The following KCNH6 variants were observed in gnomAD, a reference collection of about 807,000 sequenced individuals.
The protein encoded by KCNH6 is voltage-gated inwardly rectifying potassium channel KCNH6.
A neutral mutation model predicts 83.4 loss-of-function variants in KCNH6; 81 were observed. That is an observed-to-expected ratio of 0.97 (90% confidence interval 0.81 to 1.17). KCNH6 has a LOEUF of 1.17. Among genes scored for constraint, KCNH6 ranks in the 50% most tolerant of loss-of-function variants. The pLI is 0.00. For synonymous variants in KCNH6, 503 were observed against 545.6 expected (o/e 0.92, Z 1.09); for missense variants, 1,203 against 1,290.5 (o/e 0.93, Z 1.04).
rs1303569563 is a variant in KCNH6 at position 63,538,966 on chromosome 17, C to T, written c.1954+304C>T. Among the ~76,000 whole-genome samples the T allele has an allele frequency of 6.6e-6, 1 of 152,132 alleles. No homozygotes were observed. The highest frequency in any genetic ancestry group is 2.4e-5 in the African/African-American group (1 of 41,414). On this transcript the variant is annotated intron_variant, in intron 8 of 12. Transcript: ENST00000314672. The surrounding 1 kb of genome is among the most constrained non-coding windows in gnomAD (Gnocchi z 4.0). ...CAGAAGCCCAGGCAGGTCTTCCTAC[C>T]TTCTTGCACTCTTGGGGAGTTTAGG...
intron 11 of KCNH6, 50 bp downstream of exon 11, chr17:63,544,461 T>C (rs2033047045): frequency 2.1e-6 from 3 of 1,433,562 alleles, no homozygotes; most frequent in Non-Finnish European, 1.8e-6. Flanking sequence ...TAGCCCCTCC[T>C]AGTGGCTCAG....
In KCNH6 at chr17:63,544,370, G is replaced by A; in HGVS notation, c.2355G>A (p.Lys785=). The stretch of plus-strand genomic sequence containing the variant: ...AAGACCCAGATTGCTGGCCTCTGAA[G>A]CTGGGCTCCAGGCTAGAGCAGCTCC... ...PQEDPDCWPL[K]LGSRLEQLQA... is the part of the protein sequence containing the mutation. Residue 785 remains lysine (K), a synonymous_variant, in exon 11 of 13, where the codon AAG becomes AAA. Coordinates refer to ENST00000314672, the MANE Select transcript of KCNH6 (RefSeq NM_001278919.2). The A allele has an allele frequency of 6.2e-7, 1 of 1,609,050 alleles. No homozygotes were observed. Among genetic ancestry groups the A allele is most frequent in the Non-Finnish European group, 8.5e-7 (1 of 1,177,664 alleles).
At position 63,534,892 on chromosome 17, in the gene KCNH6, C is replaced by T. The variant is rs942580677; in HGVS notation, c.1101+581C>T. On this transcript the variant is annotated intron_variant, in intron 5 of 12. Transcript: ENST00000314672. This position sits in a 1 kb window ranked among gnomAD's most constrained non-coding sequence, Gnocchi z 5.0. The stretch of plus-strand genomic sequence containing the variant: ...CCAGCAGGGGGTGTCCAGCAGGGCT[C>T]CTCTGCTCCAAAGCCCCCTAAGACC... Among the ~76,000 whole-genome samples the T allele has an allele frequency of 2.0e-5, 3 of 152,098 alleles. No homozygotes were observed. Among genetic ancestry groups the T allele is most frequent in the Admixed American group, 1.3e-4 (2 of 15,282 alleles).
rs150744116 is a variant in KCNH6, at chr17:63,534,585, C to T, written c.1101+274C>T. On this transcript the variant is annotated intron_variant, in intron 5 of 12. Transcript: ENST00000314672. The surrounding 1 kb of genome is among the most constrained non-coding windows in gnomAD (Gnocchi z 5.0). ...GGCTGCCCCTTCCAGGATGGGCACT[C>T]GTGTGGTCCCGGCCCCTCATGCTGA... 6.6e-6 allele frequency among the ~76,000 whole-genome samples: 1 copy of T among 152,184 alleles called. No homozygotes were observed. The highest frequency in any genetic ancestry group is 6.5e-5 in the Admixed American group (1 of 15,294).
intron 6 of KCNH6, 82 bp from the exon 7 acceptor site, chr17:63,537,983 G>A: frequency 1.5e-6 from 2 of 1,370,222 alleles, no homozygotes; most frequent in South Asian, 1.2e-5. Flanking sequence ...GGGGGCTGCT[G>A]GAAGGAGGAA....
At chr17:63,531,502 T>C (rs1184126271) in intron 4 of KCNH6, among the ~76,000 whole-genome samples, 1 of 152,240 alleles carries the variant, frequency 6.6e-6, no homozygotes, top group African/African-American at 2.4e-5. Context: ...GCTGTCCCTG[T>C]GTTGGGGCTG....
At chr17:63,541,560 TGGGATTACAG>T (rs2032863462) in intron 8 of KCNH6, among the ~76,000 whole-genome samples, 1 of 150,050 alleles carries the variant, frequency 6.7e-6, no homozygotes, top group African/African-American at 2.5e-5. Context: ...CCCAAAGTGC[TGGGATTACAG>T]GCGTGAGCCG....
rs754342735 is a variant in KCNH6 at position 63,538,138 on chromosome 17, C to T, written c.1575C>T (p.Tyr525=). Residue 525 remains tyrosine, a synonymous_variant, in exon 7 of 13, where the codon TAC becomes TAT. Transcript: ENST00000314672. The surrounding 1 kb of genome is among the most constrained non-coding windows in gnomAD (Gnocchi z 4.0). ...GCCTGTACTCGGGCACCGCGCGCTA[C>T]CACACGCAGATGCTGCGTGTCAAGG... ...IQRLYSGTAR[Y]HTQMLRVKEF... 11 of 1,614,054 alleles carry T rather than the reference C, an allele frequency of 6.8e-6. No homozygotes were observed. The highest frequency in any genetic ancestry group is 9.3e-6 in the Non-Finnish European group (11 of 1,180,022).
chr17:63,536,353 T>G, intron 6 of KCNH6: 1 of 451,386 alleles, frequency 2.2e-6, no homozygotes, highest in Non-Finnish European at 3.9e-6. Context: ...TAAAAATTAT[T>G]AAGAATCGGC....
At chr17:63,528,468 C>T (rs2031863698) in intron 2 of KCNH6, among the ~76,000 whole-genome samples, 1 of 152,198 alleles carries the variant, frequency 6.6e-6, no homozygotes, top group South Asian at 2.1e-4. Context: ...GGCTCAGCTG[C>T]ACCCCAGCTC....
intron 2 of KCNH6, among the ~76,000 whole-genome samples, chr17:63,529,613 C>T (rs937480091): frequency 6.6e-6 from 1 of 152,214 alleles, no homozygotes; most frequent in African/African-American, 2.4e-5. Context: ...CAACTGGCCC[C>T]ATGCCCAGCA....
rs2032430500 is a variant in KCNH6 at position 63,535,634 on chromosome 17, A to C, written c.1102-35A>C. 1.3e-6 allele frequency: 2 copies of C among 1,559,298 alleles called. No individual in the cohort carries two copies. Among genetic ancestry groups the C allele is most frequent in the East Asian group, 4.5e-5 (2 of 44,262 alleles). ...CCTGACTGCACCCTTCCAAGGGCTGACCCCAGCCCTGTGACCATTTCCCTA... is the reference window on the plus strand; with the variant it reads ...CCTGACTGCACCCTTCCAAGGGCTGCCCCCAGCCCTGTGACCATTTCCCTA... On this transcript the variant is annotated intron_variant, in intron 5 of 12. Coordinates refer to ENST00000314672, the MANE Select transcript of KCNH6 (RefSeq NM_001278919.2). The surrounding 1 kb of genome is among the most constrained non-coding windows in gnomAD (Gnocchi z 4.9).
At position 63,523,476 on chromosome 17, in the gene KCNH6, G is replaced by A. The variant is rs201879620; in HGVS notation, c.63G>A (p.Lys21=). The A allele has an allele frequency of 3.5e-5, 57 of 1,607,048 alleles. No homozygotes were observed. Among genetic ancestry groups the A allele is most frequent in the African/African-American group, 4.1e-5 (3 of 74,010 alleles). ...QNTYLDTIIR[K]FEGQSRKFLI... ...CTTACCTGGACACCATCATCCGCAA[G>A]TTCGAGGGCCAAAGTGAGTGTGTGT... The change falls in exon 1 of 13, where the codon AAG becomes AAA. Residue 21 remains lysine, a synonymous_variant. Coordinates refer to ENST00000314672, the MANE Select transcript of KCNH6 (RefSeq NM_001278919.2). This position sits in a 1 kb window ranked among gnomAD's most constrained non-coding sequence, Gnocchi z 4.2.
chr17:63,527,732 G>GTCACCTAGATGTGGGCTTTTGT (rs1381094734), intron 2 of KCNH6, among the ~76,000 whole-genome samples: 1 of 152,150 alleles, frequency 6.6e-6, no homozygotes, highest in Non-Finnish European at 1.5e-5. Context: ...CCCACTTTTG[G>GTCACCTAGATGTGGGCTTTTGT]TCACCTAGAT....
chr17:63,537,001 A>C (rs1054734083), intron 6 of KCNH6, among the ~76,000 whole-genome samples: 12 of 150,814 alleles, frequency 8.0e-5, no homozygotes, highest in Non-Finnish European at 1.5e-4. Flanking sequence ...GTGACAGCAG[A>C]GTATTAAACC....
Position 63,530,535 on chromosome 17 carries a change from T to C in KCNH6, c.668T>C (p.Val223Ala). The C allele has an allele frequency of 6.2e-7, 1 of 1,613,948 alleles. No homozygotes were observed. Among genetic ancestry groups the C allele is most frequent in the Non-Finnish European group, 8.5e-7 (1 of 1,179,976 alleles). ...VERTQNVTEK[V>A]TQVLSLGADV... ...CGGACACAGAACGTCACTGAGAAGG[T>C]CACCCAGGTGCGGGCCTGCAGAGCA... The change falls in exon 4 of 13, where the codon GTC becomes GCC. Residue 223 changes from valine to alanine, a missense_variant. Physicochemically the swap from Val to Ala is moderately conservative, Grantham distance 64 (BLOSUM62 0). Transcript: ENST00000314672.
chr17:63,537,264 C>A lies in KCNH6; in HGVS notation c.1502-801C>A, dbSNP rs114300250. 5.8e-3 allele frequency among the ~76,000 whole-genome samples: 884 copies of A among 152,308 alleles called. 9 individuals are homozygous for A. The highest frequency in any genetic ancestry group is 0.02 in the African/African-American group (844 of 41,564). ...TGCTGTTCTCAATCCCTGCTCCCAG[C>A]TGCCTGCCTCCCAAGACACCTGGTT... On this transcript the variant is annotated intron_variant, in intron 6 of 12. Coordinates refer to ENST00000314672, the MANE Select transcript of KCNH6 (RefSeq NM_001278919.2).
chr17:63,534,370 CCCT>C lies in KCNH6; in HGVS notation c.1101+62_1101+64del. On this transcript the variant is annotated intron_variant, in intron 5 of 12. Coordinates refer to ENST00000314672, the MANE Select transcript of KCNH6 (RefSeq NM_001278919.2). This position sits in a 1 kb window ranked among gnomAD's most constrained non-coding sequence, Gnocchi z 5.0. Reference sequence around the variant, plus strand: ...CTGTCCTCTGCACGCTGGCCTCAAGCCCTCCCTGCTGCACAGCACTGGGTGCGG... The same window carrying C: ...CTGTCCTCTGCACGCTGGCCTCAAGCCCCTGCTGCACAGCACTGGGTGCGG... 1 of 1,498,642 alleles carries C rather than the reference CCCT, an allele frequency of 6.7e-7. No individual in the cohort carries two copies. The highest frequency in any genetic ancestry group is 9.1e-7 in the Non-Finnish European group (1 of 1,100,432). The allele number at this position is 1,498,642 out of a possible 1,614,324, so 92.8% of individuals were successfully genotyped here.
Position 63,545,691 on chromosome 17 carries a change from C to T in KCNH6, c.2666C>T (p.Thr889Met), listed in dbSNP as rs35819807. The T allele has an allele frequency of 0.23, 364,551 of 1,613,834 alleles. 43,376 individuals carry two copies. The highest frequency in any genetic ancestry group is 0.26 in the Middle Eastern group (1,550 of 6,062). Reference sequence around the variant, plus strand: ...AGGATGCCTCACCTGGCTGTGGCAACGGACAAAACTCTGGCACCATCCTCA... The same window carrying T: ...AGGATGCCTCACCTGGCTGTGGCAATGGACAAAACTCTGGCACCATCCTCA... ...SPRMPHLAVA[T>M]DKTLAPSSEQ... The change falls in exon 13 of 13, where the codon ACG becomes ATG. Residue 889 changes from threonine to methionine, a missense_variant. Physicochemically the swap from Thr to Met is moderately conservative, Grantham distance 81 (BLOSUM62 -1). Transcript: ENST00000314672.
Sources: allele counts gnomAD v4.1 joint callset (sites outside exome capture counted in the v4.1 genomes callset), GRCh38; gene constraint gnomAD v4.1.1; non-coding constraint Gnocchi (gnomAD v3.1); transcripts MANE v1.5; gene names NCBI Gene and HGNC (gene_info 2026-07-23, HGNC 2026-07-21).